The following GART variants were observed in gnomAD, a reference collection of about 807,000 sequenced individuals.
The protein encoded by GART is trifunctional purine biosynthetic protein adenosine-3.
Under a neutral mutation model 107.2 loss-of-function variants are expected in GART, and 43 were observed. That is an observed-to-expected ratio of 0.40 (90% CI 0.31 to 0.52). The LOEUF (loss-of-function observed/expected upper bound fraction) is 0.52, where lower values mean the gene tolerates loss of function less well. Ranked by LOEUF, GART falls within the 20% of genes least tolerant of loss-of-function variation. The pLI is 0.52. For synonymous variants in GART, 434 were observed against 427.0 expected (o/e 1.02, Z -0.20); for missense variants, 1,107 against 1,206.5 (o/e 0.92, Z 1.22).
rs1260568411 is a variant in GART at position 33,509,795 on chromosome 21, T to C, written c.2440A>G (p.Ile814Val). The C allele has an allele frequency of 2.2e-5, 36 of 1,613,736 alleles. No homozygotes were observed. The highest frequency in any genetic ancestry group is 2.9e-5 in the Non-Finnish European group (34 of 1,179,936). ...AGCCACATCTCACCTGTTCCAGATA[T>C]TAAGACAGCCACTCTGGCCTTTTTT... ...EKKKARVAVLISGTGSNLQAL... is the reference protein window; with the variant it reads ...EKKKARVAVLVSGTGSNLQAL... The change falls in exon 18 of 22, where the codon ATA becomes GTA. Residue 814 changes from isoleucine to valine, a missense_variant. Physicochemically the swap from Ile to Val is conservative, Grantham distance 29. Coordinates refer to ENST00000381815, the MANE Select transcript of GART (RefSeq NM_000819.5).
intron 11 of GART, among the ~76,000 whole-genome samples, chr21:33,522,501 T>C (rs1270607008): frequency 2.6e-5 from 4 of 152,214 alleles, no homozygotes; most frequent in Admixed American, 6.5e-5. Flanking sequence ...ATCTCCCCAG[T>C]TGACTTGATT....
At chr21:33,512,423 T>C (rs2084802264) in intron 16 of GART, among the ~76,000 whole-genome samples, 1 of 151,932 alleles carries the variant, frequency 6.6e-6, no homozygotes, top group South Asian at 2.1e-4. Flanking sequence ...AGAATCTGGA[T>C]AGTTCTTTGG....
intron 2 of GART, 109 bp from the exon 3 acceptor site, chr21:33,535,429 G>A (rs2085286052): frequency 5.0e-6 from 3 of 603,252 alleles, no homozygotes; most frequent in Non-Finnish European, 8.2e-6. Flanking sequence ...TAGTATGCTT[G>A]TTATCTGTTG....
chr21:33,533,316 G>A (rs1043485050), intron 4 of GART, among the ~76,000 whole-genome samples: 2 of 151,644 alleles, frequency 1.3e-5, no homozygotes, highest in Non-Finnish European at 2.9e-5. Flanking sequence ...GTGGGCGCCT[G>A]TATTCCCAGC....
chr21:33,540,674 A>C lies in GART; in HGVS notation c.-41-1318T>G, dbSNP rs558409773. Among the ~76,000 whole-genome samples the C allele has an allele frequency of 9.2e-5, 14 of 152,336 alleles. No homozygotes were observed. In the South Asian group the frequency reaches 2.5e-3, roughly 27 times the overall value. ...TGGCACTCAGCAGTAGTAAATGTTA[A>C]CTTGTTACATTTACTTACCACAAGA... On this transcript the variant is annotated intron_variant, in intron 1 of 21. Coordinates refer to ENST00000381815, the MANE Select transcript of GART (RefSeq NM_000819.5).
At chr21:33,524,723 G>C (rs748514679) in intron 11 of GART, 46 bp downstream of exon 11, 1 of 1,612,418 alleles carries the variant, frequency 6.2e-7, no homozygotes, top group African/African-American at 1.3e-5. Context: ...AGCCATTTAG[G>C]CCAGTTTCTG....
rs773986038 is a variant in GART, at chr21:33,511,288, C to T, written c.2278G>A (p.Ala760Thr). ...LRDIQQHKEE[A>T]WVIGSVVARA... ...GCAACCACACTGCCAATCACCCAGG[C>T]TTCTTCCTTGTGCTGCTGGATATCC... The change falls in exon 17 of 22, where the codon GCC becomes ACC. Residue 760 changes from alanine to threonine, a missense_variant. Coordinates refer to ENST00000381815, the MANE Select transcript of GART (RefSeq NM_000819.5). 22 of 1,614,192 alleles carry T rather than the reference C, an allele frequency of 1.4e-5. No homozygotes were observed. Among genetic ancestry groups the T allele is most frequent in the Middle Eastern group, 1.6e-4 (1 of 6,062 alleles).
chr21:33,541,316 T>C (rs530432703), intron 1 of GART, among the ~76,000 whole-genome samples: 1 of 152,234 alleles, frequency 6.6e-6, no homozygotes, highest in South Asian at 2.1e-4. Flanking sequence ...CAGGCGAATT[T>C]TTGTATTTTT....
At chr21:33,508,515 C>CTTTTTT (rs764380446) in intron 18 of GART, among the ~76,000 whole-genome samples, 6 of 109,836 alleles carry the variant, frequency 5.5e-5, no homozygotes, top group Admixed American at 1.0e-4. Context: ...TTGTTTCCAT[C>CTTTTTT]TTTTTTTTTT....
chr21:33,524,102 G>A, intron 11 of GART: 4 of 984,302 alleles, frequency 4.1e-6, no homozygotes, highest in Non-Finnish European at 4.8e-6. Flanking sequence ...TTTAGTAATA[G>A]ATACAAACGC....
chr21:33,519,555 A>G (rs1054485330), intron 14 of GART, among the ~76,000 whole-genome samples: 2 of 150,090 alleles, frequency 1.3e-5, no homozygotes, highest in African/African-American at 4.9e-5. Flanking sequence ...CTCTGTTTAA[A>G]AAAAAAAAAA....
chr21:33,506,794 T>C (rs2084689898), intron 18 of GART, among the ~76,000 whole-genome samples: 1 of 152,102 alleles, frequency 6.6e-6, no homozygotes, highest in South Asian at 2.1e-4. Context: ...AACACACAAA[T>C]TGCAAACAGG....
intron 6 of GART, 157 bp from the exon 7 acceptor site, chr21:33,531,041 A>G (rs1222386224): frequency 3.8e-6 from 2 of 525,726 alleles, no homozygotes; most frequent in Non-Finnish European, 5.9e-6. Context: ...ACATTAAGCT[A>G]CATACATCAA....
upstream of GART, chr21:33,542,490 C>G (rs1057134392): frequency 2.6e-5 from 4 of 153,314 alleles, no homozygotes; most frequent in African/African-American, 4.8e-5. Context: ...GAATGCCGGT[C>G]GCTTAGGACA....
chr21:33,524,917 C>T lies in GART; in HGVS notation c.1150G>A (p.Gly384Ser). ...LKNGKVVTHG[G>S]RVLAVTAIRE... ...ATGGCTGTGACTGCAAGAACTCTAC[C>T]CCCATGAGTTACTACTTTGCCATTT... is the stretch of plus-strand genomic sequence containing the variant. Residue 384 changes from glycine (G) to serine (S), a missense_variant, in exon 11 of 22, where the codon GGT becomes AGT. Gly to Ser is a moderately conservative substitution (Grantham distance 56, BLOSUM62 0). Coordinates refer to ENST00000381815, the MANE Select transcript of GART (RefSeq NM_000819.5). 1 of 1,614,174 alleles carries T rather than the reference C, an allele frequency of 6.2e-7. No individual in the cohort carries two copies. The highest frequency in any genetic ancestry group is 8.5e-7 in the Non-Finnish European group (1 of 1,180,030).
intron 16 of GART, among the ~76,000 whole-genome samples, chr21:33,512,068 G>A (rs1460955101): frequency 2.0e-5 from 3 of 151,686 alleles, no homozygotes; most frequent in Admixed American, 6.6e-5. Context: ...GGCGGATCAC[G>A]AGGTCAGGAG....
intron 14 of GART, among the ~76,000 whole-genome samples, chr21:33,518,317 A>T (rs945340021): frequency 6.6e-6 from 1 of 152,198 alleles, no homozygotes; most frequent in Non-Finnish European, 1.5e-5. Flanking sequence ...GTCTCTACTA[A>T]AAACACAAAA....
chr21:33,506,141 C>T, intron 18 of GART, 37 bp from the exon 19 acceptor site: 1 of 1,577,244 alleles, frequency 6.3e-7, no homozygotes, highest in Non-Finnish European at 8.6e-7. Flanking sequence ...GCTCATACTA[C>T]TACTTCTTTT....
At chr21:33,529,009 C>G in intron 7 of GART, 72 bp from the exon 8 acceptor site, 2 of 961,774 alleles carry the variant, frequency 2.1e-6, no homozygotes, top group South Asian at 2.7e-5. Context: ...CATGGGACAA[C>G]AGAAGGGGAT....
Sources: gnomAD v4.1 joint callset for allele counts (sites outside exome capture counted in the v4.1 genomes callset) on GRCh38, gnomAD v4.1.1 for gene constraint, MANE v1.5 for transcripts, NCBI Gene and HGNC (gene_info 2026-07-23, HGNC 2026-07-21) for gene names.